Variants in PLXNA4 observed in about 807,000 individuals in gnomAD.
PLXNA4 encodes the protein plexin-A4.
A neutral mutation model predicts 191.8 loss-of-function variants in PLXNA4; 44 were observed. The ratio of observed to expected loss-of-function variants is 0.23; its 90% CI spans 0.18 to 0.29. The LOEUF (loss-of-function observed/expected upper bound fraction) is 0.29, where lower values mean the gene tolerates loss of function less well. Ranked by LOEUF, PLXNA4 falls within the 10% of genes least tolerant of loss-of-function variation. PLXNA4 has a pLI of 1.00. For missense variants in PLXNA4, 1,800 were observed against 2,488.8 expected (o/e 0.72, Z 5.89); for synonymous variants, 1,082 against 1,009.5 (o/e 1.07, Z -1.36).
At chr7:132,313,803 G>A (rs1002550122) in intron 3 of PLXNA4, among the ~76,000 whole-genome samples, 14 of 152,056 alleles carry the variant, frequency 9.2e-5, no homozygotes, top group African/African-American at 1.7e-4. Context: ...ATCATTTCCC[G>A]GAGCCAGAAT....
In PLXNA4 at chr7:132,132,926, GGT is replaced by G. The variant is rs924408649; in HGVS notation, c.5589+121_5589+122del. On this transcript the variant is annotated intron_variant, in intron 31 of 31. Coordinates refer to ENST00000321063, the MANE Select transcript of PLXNA4 (RefSeq NM_020911.2). ...TGGATCACAGCCCCAGGTCCTCAGT[GGT>G]GGTTCCCCCAGCAGAGGTGGATGTG... 14 of 1,397,266 alleles carry G rather than the reference GGT, an allele frequency of 1.0e-5. No homozygotes were observed. The African/African-American group carries it at 1.9e-4, about 19-fold the overall frequency. The allele number at this position is 1,397,266 out of a possible 1,614,324, so 86.6% of individuals were successfully genotyped here.
intron 2 of PLXNA4, among the ~76,000 whole-genome samples, chr7:132,621,236 GT>G (rs1387509609): frequency 2.2e-5 from 3 of 135,118 alleles, no homozygotes; most frequent in East Asian, 2.1e-4. Flanking sequence ...TAATCTCTTG[GT>G]TTTTTTTTGT....
chr7:132,336,236 A>T (rs1020120318), intron 3 of PLXNA4, among the ~76,000 whole-genome samples: 2 of 152,192 alleles, frequency 1.3e-5, no homozygotes, highest in African/African-American at 4.8e-5. Flanking sequence ...TATAAATAAG[A>T]ATGTTAATGG....
At chr7:132,201,049 G>A (rs1444544315) in intron 12 of PLXNA4, among the ~76,000 whole-genome samples, 1 of 152,158 alleles carries the variant, frequency 6.6e-6, no homozygotes, top group African/African-American at 2.4e-5. Flanking sequence ...CAAATTTGAA[G>A]GAGACCATTA....
At chr7:132,244,479 A>T (rs1490503822) in intron 4 of PLXNA4, among the ~76,000 whole-genome samples, 3 of 152,182 alleles carry the variant, frequency 2.0e-5, no homozygotes, top group Non-Finnish European at 4.4e-5. Context: ...TTTATGATTT[A>T]ACCATTTTTT....
chr7:132,226,355 C>T, intron 7 of PLXNA4, 95 bp from the exon 8 acceptor site: 1 of 1,069,966 alleles, frequency 9.3e-7, no homozygotes, highest in Non-Finnish European at 1.4e-6. Context: ...GGAGCCTGCT[C>T]CCCAGGCGGC....
At chr7:132,198,431 A>G (rs4731853) in intron 13 of PLXNA4, 54 bp downstream of exon 13, 9 of 1,587,302 alleles carry the variant, frequency 5.7e-6, no homozygotes, top group African/African-American at 2.7e-5. Flanking sequence ...CATCCCTAAT[A>G]CTAACCCGTC....
In PLXNA4 at chr7:132,128,597, C is replaced by G. The variant is rs773350700; in HGVS notation, c.*1882G>C. ...CAAGAAATCCTTTTGAGCTTTCCGC[C>G]TACACCTGGGGCAGACACACACACA... On this transcript the variant is annotated 3_prime_UTR_variant, in exon 32 of 32. Transcript: ENST00000321063. 2.0e-5 allele frequency: 3 copies of G among 152,196 alleles called. No individual in the cohort carries two copies. Among genetic ancestry groups the G allele is most frequent in the Admixed American group, 6.5e-5 (1 of 15,284 alleles). 9.4% of individuals were successfully genotyped at this position (152,196 alleles called of 1,614,324 possible).
chr7:132,305,171 C>T (rs1035541765), intron 3 of PLXNA4, among the ~76,000 whole-genome samples: 3 of 152,038 alleles, frequency 2.0e-5, no homozygotes, highest in East Asian at 3.9e-4. Context: ...GACACCTAGA[C>T]GGTGGTGGGC....
chr7:132,490,936 G>A (rs1167742500), intron 2 of PLXNA4, among the ~76,000 whole-genome samples: 1 of 152,104 alleles, frequency 6.6e-6, no homozygotes, highest in East Asian at 1.9e-4. Flanking sequence ...TTGAAACAGA[G>A]GGTCTCAGCT....
At chr7:132,506,485 A>G (rs1002395793) in intron 2 of PLXNA4, among the ~76,000 whole-genome samples, 3 of 152,234 alleles carry the variant, frequency 2.0e-5, no homozygotes, top group Non-Finnish European at 4.4e-5. Flanking sequence ...GACTAGGTTC[A>G]TAATCTTTAA....
chr7:132,289,740 C>CTCAAACT (rs1292335906), intron 4 of PLXNA4, among the ~76,000 whole-genome samples: 237 of 152,120 alleles, frequency 1.6e-3, no homozygotes, highest in African/African-American at 5.5e-3. Flanking sequence ...GCCATATTGC[C>CTCAAACT]CAGGCTGGTC....
chr7:132,318,806 T>G (rs181626362), intron 3 of PLXNA4, among the ~76,000 whole-genome samples: 1 of 152,196 alleles, frequency 6.6e-6, no homozygotes, highest in South Asian at 2.1e-4. Context: ...GGAGGGGCTC[T>G]GTTCTGTGGT....
At chr7:132,360,613 C>A (rs1803895423) in intron 3 of PLXNA4, among the ~76,000 whole-genome samples, 1 of 152,192 alleles carries the variant, frequency 6.6e-6, no homozygotes, top group Non-Finnish European at 1.5e-5. Context: ...GATGTTTCGA[C>A]AACAACAAAA....
chr7:132,638,766 T>C (rs533709104), intron 2 of PLXNA4, among the ~76,000 whole-genome samples: 15 of 152,178 alleles, frequency 9.9e-5, no homozygotes, highest in Admixed American at 5.2e-4. Context: ...TAAAAATATA[T>C]ATATATATTA....
At position 132,181,378 on chromosome 7, in the gene PLXNA4, C is replaced by T. The variant is rs769323187; in HGVS notation, c.3492+3G>A. ...CCCCCGCCTCCCACCACCCTCACTCCACCTTTAGGATGATGGGCGTGCCAG... is the reference window on the plus strand; with the variant it reads ...CCCCCGCCTCCCACCACCCTCACTCTACCTTTAGGATGATGGGCGTGCCAG... On this transcript the variant is annotated splice_donor_region_variant and intron_variant, in intron 18 of 31. Transcript: ENST00000321063. 1.5e-5 allele frequency: 25 copies of T among 1,613,772 alleles called. No individual in the cohort carries two copies. The highest frequency in any genetic ancestry group is 1.8e-5 in the Non-Finnish European group (21 of 1,179,866).
intron 3 of PLXNA4, among the ~76,000 whole-genome samples, chr7:132,417,382 C>T (rs1203054897): frequency 6.6e-6 from 1 of 152,214 alleles, no homozygotes; most frequent in Non-Finnish European, 1.5e-5. Context: ...TTCCTAGACC[C>T]TTGCTTCGTG....
intron 4 of PLXNA4, among the ~76,000 whole-genome samples, chr7:132,247,560 A>G (rs936297656): frequency 2.0e-5 from 3 of 152,164 alleles, no homozygotes; most frequent in Non-Finnish European, 2.9e-5. Flanking sequence ...TGAGAAAAGT[A>G]AGTCCTTTTC....
chr7:132,446,566 T>C (rs1795919188), intron 3 of PLXNA4, among the ~76,000 whole-genome samples: 2 of 152,196 alleles, frequency 1.3e-5, no homozygotes, highest in Non-Finnish European at 2.9e-5. Context: ...GCCTTTGAAC[T>C]GCCTCCTCGA....
Sources: gnomAD v4.1 joint callset for allele counts (sites outside exome capture counted in the v4.1 genomes callset) on GRCh38, gnomAD v4.1.1 for gene constraint, MANE v1.5 for transcripts, NCBI Gene and HGNC (gene_info 2026-07-23, HGNC 2026-07-21) for gene names.